The following NSMCE3 variants were observed in gnomAD, a reference collection of about 807,000 sequenced individuals.
NSMCE3 encodes the protein NSE3 component of SMC5/6 complex.
For missense variants in NSMCE3, 452 were observed against 399.5 expected, an observed-to-expected ratio of 1.13 and a Z score of -1.12; for synonymous variants, 214 against 172.2, an observed-to-expected ratio of 1.24 and a Z score of -1.90.
At position 29,269,670 on chromosome 15, in the gene NSMCE3, G is replaced by A. The variant is rs757793634; in HGVS notation, c.36C>T (p.Gly12=). The change falls in exon 1 of 1, where the codon GGC becomes GGT. Residue 12 remains glycine, a synonymous_variant. Transcript: ENST00000332303. ...LQKPRNRGRS[G]GQAERDRDWS... ...AGTCTCTGTCCCTCTCGGCCTGGCCGCCAGAGCGGCCCCGGTTCCTCGGTT... is the reference window on the plus strand; with the variant it reads ...AGTCTCTGTCCCTCTCGGCCTGGCCACCAGAGCGGCCCCGGTTCCTCGGTT... The A allele has an allele frequency of 1.9e-6, 3 of 1,558,696 alleles. No individual in the cohort carries two copies. The highest frequency in any genetic ancestry group is 2.4e-5 in the South Asian group (2 of 85,042).
In NSMCE3 at chr15:29,268,897, A is replaced by C; in HGVS notation, c.809T>G (p.Val270Gly). The C allele has an allele frequency of 6.2e-7, 1 of 1,613,994 alleles. No homozygotes were observed. Among genetic ancestry groups the C allele is most frequent in the Non-Finnish European group, 8.5e-7 (1 of 1,180,010 alleles). Residue 270 changes from valine (V) to glycine (G), a missense_variant, in exon 1 of 1, where the codon GTC (valine) becomes GGC (glycine). Physicochemically the swap from Val to Gly is moderately radical, Grantham distance 109. Transcript: ENST00000332303. ...CCAGTCCTTGGGGTCTTGATTATGGACCTTGGCCACAAACTTAAGAACTTT... is the reference window on the plus strand; with the variant it reads ...CCAGTCCTTGGGGTCTTGATTATGGCCCTTGGCCACAAACTTAAGAACTTT... ...KMKVLKFVAK[V>G]HNQDPKDWPA...
rs759134172 is a variant in NSMCE3, at chr15:29,269,499, G to A, written c.207C>T (p.Arg69=). The A allele has an allele frequency of 3.7e-6, 6 of 1,607,212 alleles. No homozygotes were observed. Among genetic ancestry groups the A allele is most frequent in the Non-Finnish European group, 5.1e-6 (6 of 1,177,724 alleles). Residue 69 remains arginine, a synonymous_variant, in exon 1 of 1, where the codon CGC becomes CGT. Transcript: ENST00000332303. The stretch of plus-strand genomic sequence containing the variant: ...CCACGGCGGGGGCGGCCTGGGCCCG[G>A]CGGGCGCCCTGAGGCGAGGGGCCCT... ...GSQGPSPQGA[R]RAQAAPAVGP... is the part of the protein sequence containing the mutation.
At position 29,268,992 on chromosome 15, in the gene NSMCE3, T is replaced by C; in HGVS notation, c.714A>G (p.Ile238Met). The C allele has an allele frequency of 6.2e-7, 1 of 1,614,150 alleles. No individual in the cohort carries two copies. Among genetic ancestry groups the C allele is most frequent in the Non-Finnish European group, 8.5e-7 (1 of 1,180,044 alleles). ...VRQRYLEYRRIPHTDPVDYEF... is the reference protein window; with the variant it reads ...VRQRYLEYRRMPHTDPVDYEF... ...CGTAGTCGACGGGGTCGGTGTGGGGTATCCGCCGGTATTCCAGGTAACGCT... is the reference window on the plus strand; with the variant it reads ...CGTAGTCGACGGGGTCGGTGTGGGGCATCCGCCGGTATTCCAGGTAACGCT... The change falls in exon 1 of 1, where the codon ATA becomes ATG. Residue 238 changes from isoleucine to methionine, a missense_variant. Coordinates refer to ENST00000332303, the MANE Select transcript of NSMCE3 (RefSeq NM_138704.4).
At position 29,265,616 on chromosome 15, in the gene NSMCE3, G is replaced by A. The variant is rs2043462867; in HGVS notation, c.*3175C>T. 1 of 152,244 alleles carries A rather than the reference G, an allele frequency of 6.6e-6. No individual in the cohort carries two copies. Among genetic ancestry groups the A allele is most frequent in the Non-Finnish European group, 1.5e-5 (1 of 68,082 alleles). The allele number at this position is 152,244 out of a possible 1,614,324, so 9.4% of individuals were successfully genotyped here. On this transcript the variant is annotated 3_prime_UTR_variant, in exon 1 of 1. Transcript: ENST00000332303. ...ATTGTGCCAATGCACTCCAGCCTGG[G>A]CGACAAGAGCAAGACTCCGTCTCAA... is the stretch of plus-strand genomic sequence containing the variant.
chr15:29,269,084 A>G lies in NSMCE3; in HGVS notation c.622T>C (p.Tyr208His). Residue 208 changes from tyrosine (Y) to histidine (H), a missense_variant, in exon 1 of 1, where the codon TAC becomes CAC. Physicochemically the swap from Tyr to His is moderately conservative, Grantham distance 83. Coordinates refer to ENST00000332303, the MANE Select transcript of NSMCE3 (RefSeq NM_138704.4). ...AWDFLRRLGV[Y>H]PTKKHLIFGD... ...AAAATTAAATGCTTCTTGGTGGGGT[A>G]GACCCCTAAGCGCCGCAGAAAGTCC... is the stretch of plus-strand genomic sequence containing the variant. 1 of 1,614,164 alleles carries G rather than the reference A, an allele frequency of 6.2e-7. No homozygotes were observed. Among genetic ancestry groups the G allele is most frequent in the Non-Finnish European group, 8.5e-7 (1 of 1,180,020 alleles).
rs1315340895 is a variant in NSMCE3, at chr15:29,265,778, A to G, written c.*3013T>C. On this transcript the variant is annotated 3_prime_UTR_variant, in exon 1 of 1. Coordinates refer to ENST00000332303, the MANE Select transcript of NSMCE3 (RefSeq NM_138704.4). ...TCATAAATCAGTGTGGAAAGTATAA[A>G]TGATGAAAAACTGGTGCTAGGCTAT... 1 of 152,246 alleles carries G rather than the reference A, an allele frequency of 6.6e-6. No homozygotes were observed. Among genetic ancestry groups the G allele is most frequent in the African/African-American group, 2.4e-5 (1 of 41,472 alleles). 9.4% of individuals were successfully genotyped at this position (152,246 alleles called of 1,614,324 possible).
At position 29,268,375 on chromosome 15, in the gene NSMCE3, TA is replaced by T. The variant is rs558331531; in HGVS notation, c.*415del. The T allele has an allele frequency of 1.1e-4, 19 of 165,464 alleles. No homozygotes were observed. The highest frequency in any genetic ancestry group is 3.5e-4 in the East Asian group (2 of 5,680). The allele number at this position is 165,464 out of a possible 1,614,324, so 10.2% of individuals were successfully genotyped here. A position where few individuals can be genotyped will look rare whatever the true frequency, so the allele number is the denominator to read the frequency against. ...TTAACATAATAAGGATATAGGCAATTATTTTTTTTAATTTTATAAAAACTTT... is the reference window on the plus strand; with the variant it reads ...TTAACATAATAAGGATATAGGCAATTTTTTTTTTAATTTTATAAAAACTTT... On this transcript the variant is annotated 3_prime_UTR_variant, in exon 1 of 1. Transcript: ENST00000332303.
rs1347868163 is a variant in NSMCE3, at chr15:29,269,483, G to C, written c.223C>G (p.Pro75Ala). 6.2e-7 allele frequency: 1 copy of C among 1,610,766 alleles called. No homozygotes were observed. The highest frequency in any genetic ancestry group is 8.5e-7 in the Non-Finnish European group (1 of 1,179,058). Residue 75 changes from proline (P) to alanine (A), a missense_variant, in exon 1 of 1, where the codon CCC becomes GCC. Coordinates refer to ENST00000332303, the MANE Select transcript of NSMCE3 (RefSeq NM_138704.4). Reference protein sequence around the residue: ...PQGARRAQAAPAVGPRSQKQL... With the variant: ...PQGARRAQAAAAVGPRSQKQL... ...TTCTGGCTCCTGGGCCCCACGGCGG[G>C]GGCGGCCTGGGCCCGGCGGGCGCCC...
rs1191588505 is a variant in NSMCE3, at chr15:29,269,172, G to A, written c.534C>T (p.Leu178=). The A allele has an allele frequency of 6.2e-7, 1 of 1,614,148 alleles. No homozygotes were observed. The highest frequency in any genetic ancestry group is 1.1e-5 in the South Asian group (1 of 91,078). ...RGDQGTPTTG[L]LMIVLGLIFM... Reference sequence around the variant, plus strand: ...AGATGAGCCCTAAGACGATCATCAGGAGGCCCGTAGTGGGCGTGCCTTGGT... The same window carrying A: ...AGATGAGCCCTAAGACGATCATCAGAAGGCCCGTAGTGGGCGTGCCTTGGT... The change falls in exon 1 of 1, where the codon CTC becomes CTT. Residue 178 remains leucine, a synonymous_variant. Transcript: ENST00000332303.
In NSMCE3 at chr15:29,267,489, C is replaced by G. The variant is rs1186223591; in HGVS notation, c.*1302G>C. 6.6e-6 allele frequency: 1 copy of G among 152,172 alleles called. No homozygotes were observed. The highest frequency in any genetic ancestry group is 2.4e-5 in the African/African-American group (1 of 41,414). The allele number at this position is 152,172 out of a possible 1,614,324, so 9.4% of individuals were successfully genotyped here. On this transcript the variant is annotated 3_prime_UTR_variant, in exon 1 of 1. Coordinates refer to ENST00000332303, the MANE Select transcript of NSMCE3 (RefSeq NM_138704.4). ...AAAACCTACCCCCACAACCACCATG[C>G]TGACAAGTTAGCATGAGCCGTAATT... is the stretch of plus-strand genomic sequence containing the variant.
rs1892898422 is a variant in NSMCE3, at chr15:29,265,920, CA to C, written c.*2870del. ...ACACTTAGGGAAAAAAGGCAGAAAACATATTTACAATTTTAGGATTAGGGGA... is the reference window on the plus strand; with the variant it reads ...ACACTTAGGGAAAAAAGGCAGAAAACTATTTACAATTTTAGGATTAGGGGA... On this transcript the variant is annotated 3_prime_UTR_variant, in exon 1 of 1. Coordinates refer to ENST00000332303, the MANE Select transcript of NSMCE3 (RefSeq NM_138704.4). The C allele has an allele frequency of 2.0e-5, 3 of 152,144 alleles. No homozygotes were observed. Among genetic ancestry groups the C allele is most frequent in the Admixed American group, 2.0e-4 (3 of 15,280 alleles). 9.4% of individuals were successfully genotyped at this position (152,144 alleles called of 1,614,324 possible). A position where few individuals can be genotyped will look rare whatever the true frequency, so the allele number is the denominator to read the frequency against.
Position 29,268,578 on chromosome 15 carries a change from TCAAAA to T in NSMCE3, c.*208_*212del, listed in dbSNP as rs1375790487. ...ATTTTTTATACCAAAAAGAGTAAAA[TCAAAA>T]CAAATGCTCCTTTGTTTATAGATGA... On this transcript the variant is annotated 3_prime_UTR_variant, in exon 1 of 1. Coordinates refer to ENST00000332303, the MANE Select transcript of NSMCE3 (RefSeq NM_138704.4). 7 of 477,434 alleles carry T rather than the reference TCAAAA, an allele frequency of 1.5e-5. No individual in the cohort carries two copies. The highest frequency in any genetic ancestry group is 2.5e-5 in the Non-Finnish European group (7 of 281,692). 29.6% of individuals were successfully genotyped at this position (477,434 alleles called of 1,614,324 possible). A position where few individuals can be genotyped will look rare whatever the true frequency, so the allele number is the denominator to read the frequency against.
Position 29,268,976 on chromosome 15 carries a change from C to A in NSMCE3, c.730G>T (p.Val244Phe). The change falls in exon 1 of 1, where the codon GTC (valine) becomes TTC (phenylalanine). Residue 244 changes from valine (V) to phenylalanine (F), a missense_variant. Physicochemically the swap from Val to Phe is conservative, Grantham distance 50 (BLOSUM62 -1). Coordinates refer to ENST00000332303, the MANE Select transcript of NSMCE3 (RefSeq NM_138704.4). ...GGGCCCCACTGGAATTCGTAGTCGA[C>A]GGGGTCGGTGTGGGGTATCCGCCGG... The part of the protein sequence containing the change: ...EYRRIPHTDP[V>F]DYEFQWGPRT... 1 of 1,614,144 alleles carries A rather than the reference C, an allele frequency of 6.2e-7. No homozygotes were observed. Among genetic ancestry groups the A allele is most frequent in the Non-Finnish European group, 8.5e-7 (1 of 1,180,028 alleles).
At position 29,269,424 on chromosome 15, in the gene NSMCE3, C is replaced by T. The variant is rs2043558243; in HGVS notation, c.282G>A (p.Gln94=). 4 of 1,614,154 alleles carry T rather than the reference C, an allele frequency of 2.5e-6. No individual in the cohort carries two copies. The highest frequency in any genetic ancestry group is 2.2e-5 in the East Asian group (1 of 44,848). Residue 94 remains glutamine (Q), a synonymous_variant, in exon 1 of 1, where the codon CAG becomes CAA. Transcript: ENST00000332303. ...TCTTCTGGTCTTTAATCAGCAAGAACTGCACCAGCTCGGACACTTTCAGCT... is the reference window on the plus strand; with the variant it reads ...TCTTCTGGTCTTTAATCAGCAAGAATTGCACCAGCTCGGACACTTTCAGCT... ...QLELKVSELV[Q]FLLIKDQKKI... is the part of the protein sequence containing the mutation.
rs756181366 is a variant in NSMCE3 at position 29,269,412 on chromosome 15, A to C, written c.294T>G (p.Ile98Met). ...TGATCGGAATCTTCTTCTGGTCTTT[A>C]ATCAGCAAGAACTGCACCAGCTCGG... ...KVSELVQFLLIKDQKKIPIKR... is the reference protein window; with the variant it reads ...KVSELVQFLLMKDQKKIPIKR... The change falls in exon 1 of 1, where the codon ATT becomes ATG. Residue 98 changes from isoleucine to methionine, a missense_variant. Transcript: ENST00000332303. The C allele has an allele frequency of 1.1e-5, 18 of 1,614,052 alleles. No individual in the cohort carries two copies. The East Asian group carries it at 3.6e-4, about 32-fold the overall frequency.
rs745425573 is a variant in NSMCE3, at chr15:29,269,563, G to C, written c.143C>G (p.Pro48Arg). The C allele has an allele frequency of 6.6e-6, 10 of 1,526,290 alleles. No individual in the cohort carries two copies. The highest frequency in any genetic ancestry group is 1.2e-5 in the South Asian group (1 of 81,502). 94.5% of individuals were successfully genotyped at this position (1,526,290 alleles called of 1,614,324 possible). ...GCCGCCCGGCCCGCGGGACGTGCTC[G>C]GGGCCTCCTCGGCAAAGCCGTCTCT... ...VLRDGFAEEAPSTSRGPGGSQ... is the reference protein window; with the variant it reads ...VLRDGFAEEARSTSRGPGGSQ... The change falls in exon 1 of 1, where the codon CCG becomes CGG. Residue 48 changes from proline (P) to arginine (R), a missense_variant. Transcript: ENST00000332303.
In NSMCE3 at chr15:29,269,742, G is replaced by A. The variant is rs371238944; in HGVS notation, c.-37C>T. The A allele has an allele frequency of 4.4e-4, 635 of 1,442,076 alleles. 2 individuals carry two copies. The African/African-American group carries it at 8.6e-3, about 20-fold the overall frequency. 89.3% of individuals were successfully genotyped at this position (1,442,076 alleles called of 1,614,324 possible). On this transcript the variant is annotated 5_prime_UTR_variant, in exon 1 of 1. Transcript: ENST00000332303. Reference sequence around the variant, plus strand: ...CAGGTGCCGGCGCACACTCCGGTAGGCAAGCAGCCGCGGCGGGGATTGCGG... The same window carrying A: ...CAGGTGCCGGCGCACACTCCGGTAGACAAGCAGCCGCGGCGGGGATTGCGG...
At position 29,268,754 on chromosome 15, in the gene NSMCE3, C is replaced by T; in HGVS notation, c.*37G>A. ...TCCTCTAAACTGTGCCTTTGGGTCT[C>T]AGACCCTTGTCCCGGGGGTCCCTCT... On this transcript the variant is annotated 3_prime_UTR_variant, in exon 1 of 1. Transcript: ENST00000332303. 2 of 1,561,854 alleles carry T rather than the reference C, an allele frequency of 1.3e-6. No individual in the cohort carries two copies. The highest frequency in any genetic ancestry group is 1.4e-5 in the African/African-American group (1 of 73,116).
At position 29,269,540 on chromosome 15, in the gene NSMCE3, C is replaced by G. The variant is rs1401360728; in HGVS notation, c.166G>C (p.Gly56Arg). The G allele has an allele frequency of 6.6e-7, 1 of 1,511,168 alleles. No homozygotes were observed. The highest frequency in any genetic ancestry group is 1.3e-5 in the South Asian group (1 of 79,942). The allele number at this position is 1,511,168 out of a possible 1,614,324, so 93.6% of individuals were successfully genotyped here. A position where few individuals can be genotyped will look rare whatever the true frequency, so the allele number is the denominator to read the frequency against. Residue 56 changes from glycine to arginine, a missense_variant, in exon 1 of 1, where the codon GGC becomes CGC. By Grantham distance (125) the Gly-to-Arg change is moderately radical. Transcript: ENST00000332303. ...GAGGGGCCCTGCGACCCCTGCGAGCCGCCCGGCCCGCGGGACGTGCTCGGG... is the reference window on the plus strand; with the variant it reads ...GAGGGGCCCTGCGACCCCTGCGAGCGGCCCGGCCCGCGGGACGTGCTCGGG... ...EAPSTSRGPG[G>R]SQGSQGPSPQ...
Sources: allele counts gnomAD v4.1 joint callset, GRCh38; gene constraint gnomAD v4.1.1; transcripts MANE v1.5; gene names NCBI Gene and HGNC (gene_info 2026-07-23, HGNC 2026-07-21).